Variants in ANK2 observed in about 807,000 individuals in gnomAD.
ANK2 encodes the protein ankyrin 2.
ANK2 carries 83 observed loss-of-function variants against 360.5 expected under a neutral mutation model. That is an observed-to-expected ratio of 0.23 (90% CI 0.19 to 0.28). ANK2 has a LOEUF of 0.28. ANK2 is among the 10% of genes least tolerant of loss of function. The pLI is 1.00. For synonymous variants in ANK2, 1,740 were observed against 1,759.5 expected, an observed-to-expected ratio of 0.99 and a Z score of 0.28; for missense variants, 4,201 against 4,795.7, an observed-to-expected ratio of 0.88 and a Z score of 3.66.
intron 1 of ANK2, among the ~76,000 whole-genome samples, chr4:113,140,748 G>C (rs1041209429): frequency 1.4e-4 from 22 of 152,260 alleles, no homozygotes; most frequent in African/African-American, 5.1e-4. Flanking sequence ...GGAGGCCGAG[G>C]CAGGTGTATC....
upstream of ANK2, among the ~76,000 whole-genome samples, chr4:112,816,483 T>G (rs1194162949): frequency 7.2e-5 from 11 of 152,030 alleles, no homozygotes; most frequent in African/African-American, 2.7e-4. Flanking sequence ...TTATAATTAT[T>G]AGATTGAATT....
At chr4:113,286,874 C>T (rs571451425) in intron 18 of ANK2, among the ~76,000 whole-genome samples, 3 of 152,266 alleles carry the variant, frequency 2.0e-5, no homozygotes, top group East Asian at 1.9e-4. Flanking sequence ...AGAAAACACC[C>T]GTAAACATGT....
chr4:112,790,760 T>TA, the ANK2 span, among the ~76,000 whole-genome samples: 1 of 152,190 alleles, frequency 6.6e-6, no homozygotes, highest in African/African-American at 2.4e-5. Flanking sequence ...GTGCTGGGAT[T>TA]ACAGGCGTGA....
At chr4:112,904,403 TA>T in intron 1 of ANK2, 1 of 1,072,860 alleles carries the variant, frequency 9.3e-7, no homozygotes, top group South Asian at 1.7e-5. Context: ...TTCTTAATGA[TA>T]AATTGAAATG....
At chr4:113,144,016 T>G (rs2154386661) in intron 1 of ANK2, among the ~76,000 whole-genome samples, 1 of 152,270 alleles carries the variant, frequency 6.6e-6, no homozygotes, top group South Asian at 2.1e-4. Context: ...CACTTAAAAC[T>G]TTAACATTTA....
At chr4:112,977,568 TTA>T (rs894956687) in intron 2 of ANK2, among the ~76,000 whole-genome samples, 3 of 151,690 alleles carry the variant, frequency 2.0e-5, no homozygotes, top group African/African-American at 7.2e-5. Context: ...TATTTTTATT[TTA>T]TTTTTTTTTT....
Position 113,049,737 on chromosome 4 carries a change from C to T in ANK2, c.9C>T (p.Asn3=). ...TTTCCAAACTGTTCAAAATGATGAACGAAGATGCAGCTCAGAAAAGCGACA... is the reference window on the plus strand; with the variant it reads ...TTTCCAAACTGTTCAAAATGATGAATGAAGATGCAGCTCAGAAAAGCGACA... The part of the protein sequence containing the change: MM[N]EDAAQKSDSG... Residue 3 remains asparagine (N), a synonymous_variant, in exon 1 of 46, where the codon AAC becomes AAT. Coordinates refer to ENST00000357077, the MANE Select transcript of ANK2 (RefSeq NM_001148.6). The T allele has an allele frequency of 1.9e-6, 3 of 1,608,010 alleles. No homozygotes were observed. The highest frequency in any genetic ancestry group is 2.6e-6 in the Non-Finnish European group (3 of 1,176,340).
Position 113,329,940 on chromosome 4 carries a change from A to G in ANK2, c.2901-306A>G, listed in dbSNP as rs566254388. On this transcript the variant is annotated intron_variant, in intron 26 of 45. Transcript: ENST00000357077. ...ATTGTTCTTTATGTAATTTCATTCC[A>G]TTTTCCTTCAAAATCAATTAGGCTT... 2.2e-4 allele frequency among the ~76,000 whole-genome samples: 33 copies of G among 152,286 alleles called. No homozygotes were observed. In the South Asian group the frequency reaches 6.6e-3, roughly 31 times the overall value.
chr4:112,709,470 C>T, the ANK2 span, among the ~76,000 whole-genome samples: 9 of 152,246 alleles, frequency 5.9e-5, no homozygotes, highest in South Asian at 2.1e-4. Flanking sequence ...TATTGAAGGC[C>T]GGGCACAGTG....
intron 2 of ANK2, among the ~76,000 whole-genome samples, chr4:112,983,017 G>A (rs192396334): frequency 1.2e-4 from 19 of 152,154 alleles, no homozygotes; most frequent in East Asian, 1.9e-4. Flanking sequence ...GATGCATACC[G>A]CATTTTAGCC....
At chr4:113,173,812 A>T (rs2098087447) in intron 1 of ANK2, among the ~76,000 whole-genome samples, 3 of 152,154 alleles carry the variant, frequency 2.0e-5, no homozygotes. Context: ...AATCACTGGG[A>T]TCACAAAATT....
chr4:113,258,287 A>G (rs1225904541), intron 12 of ANK2, 26 bp from the exon 13 acceptor site: 10 of 1,610,836 alleles, frequency 6.2e-6, no homozygotes, highest in Non-Finnish European at 8.5e-6. Context: ...GCAGAGGAGT[A>G]AAACTGCTGT....
chr4:113,095,020 A>G (rs1188306516), intron 1 of ANK2, among the ~76,000 whole-genome samples: 2 of 152,258 alleles, frequency 1.3e-5, no homozygotes, highest in East Asian at 3.8e-4. Context: ...TTAAAAGATA[A>G]GAGCAATTTG....
At chr4:113,011,293 T>A (rs981261118) in intron 2 of ANK2, among the ~76,000 whole-genome samples, 1 of 152,088 alleles carries the variant, frequency 6.6e-6, no homozygotes, top group Non-Finnish European at 1.5e-5. Flanking sequence ...TAGTGATCAT[T>A]TTCTTAGGAT....
intron 1 of ANK2, among the ~76,000 whole-genome samples, chr4:113,078,491 A>G (rs1332561667): frequency 6.6e-6 from 1 of 152,200 alleles, no homozygotes; most frequent in Non-Finnish European, 1.5e-5. Flanking sequence ...CTTAGGGGTT[A>G]CCACCTGTCA....
chr4:113,202,191 A>G (rs140054790), intron 4 of ANK2, among the ~76,000 whole-genome samples: 5 of 152,214 alleles, frequency 3.3e-5, no homozygotes, highest in Non-Finnish European at 7.3e-5. Context: ...ATTAAAATAC[A>G]TGAGGGTTGA....
At chr4:113,035,266 G>C (rs149181745) in intron 2 of ANK2, among the ~76,000 whole-genome samples, 185 of 151,734 alleles carry the variant, frequency 1.2e-3, no homozygotes, top group African/African-American at 4.3e-3. Context: ...AGCAGTTAAT[G>C]AGAACTAGCT....
the ANK2 span, among the ~76,000 whole-genome samples, chr4:112,744,871 G>C: frequency 2.6e-5 from 4 of 152,158 alleles, no homozygotes; most frequent in African/African-American, 9.7e-5. Context: ...GGATTAACAT[G>C]TATGTCTTCA....
chr4:112,872,624 A>G (rs1348450843), intron 1 of ANK2, among the ~76,000 whole-genome samples: 1 of 152,210 alleles, frequency 6.6e-6, no homozygotes, highest in Non-Finnish European at 1.5e-5. Flanking sequence ...GGCATGAGCC[A>G]CCACACCTGG....
Sources: gnomAD v4.1 joint callset for allele counts (sites outside exome capture counted in the v4.1 genomes callset) on GRCh38, gnomAD v4.1.1 for gene constraint, MANE v1.5 for transcripts, NCBI Gene and HGNC (gene_info 2026-07-23, HGNC 2026-07-21) for gene names.